ADAM12: variants seen among roughly 807,000 people sequenced by gnomAD.
ADAM12 encodes the protein disintegrin and metalloproteinase domain-containing protein 12.
A neutral mutation model predicts 106.4 loss-of-function variants in ADAM12; 70 were observed. That is an observed-to-expected ratio of 0.66 (90% CI 0.54 to 0.80). The LOEUF (loss-of-function observed/expected upper bound fraction) is 0.80. Ranked by LOEUF, ADAM12 falls within the 30% of genes least tolerant of loss-of-function variation. The probability of loss-of-function intolerance (pLI) is 0.00; values close to 1 mark genes in which losing one functional copy is unlikely to be tolerated. For synonymous variants in ADAM12, 420 were observed against 433.5 expected (o/e 0.97, Z 0.39); for missense variants, 1,010 against 1,171.9 (o/e 0.86, Z 2.02).
intron 5 of ADAM12, among the ~76,000 whole-genome samples, chr10:126,133,208 T>G (rs918463321): frequency 1.3e-5 from 2 of 152,176 alleles, no homozygotes; most frequent in African/African-American, 4.8e-5. Context: ...TGGTGAACAG[T>G]TGTCATCTTT....
At chr10:126,131,850 A>G (rs1232683958) in intron 5 of ADAM12, among the ~76,000 whole-genome samples, 1 of 152,238 alleles carries the variant, frequency 6.6e-6, no homozygotes, top group Non-Finnish European at 1.5e-5. Flanking sequence ...AAGAAGGTAG[A>G]GGCTTGAGAT....
intron 2 of ADAM12, among the ~76,000 whole-genome samples, chr10:126,316,150 G>A (rs1853861465): frequency 6.6e-6 from 1 of 152,182 alleles, no homozygotes; most frequent in Admixed American, 6.5e-5. Flanking sequence ...AGTGCAGGAG[G>A]AGTTAACATT....
chr10:126,024,018 T>G (rs530444208), intron 21 of ADAM12, among the ~76,000 whole-genome samples: 1 of 151,834 alleles, frequency 6.6e-6, no homozygotes, highest in South Asian at 2.1e-4. Flanking sequence ...TTGGAAAAAG[T>G]TTTCTTACTA....
intron 5 of ADAM12, among the ~76,000 whole-genome samples, chr10:126,120,795 G>A (rs1030248956): frequency 1.3e-5 from 2 of 149,680 alleles, no homozygotes; most frequent in East Asian, 3.9e-4. Context: ...AAATTTTGCA[G>A]ATTATTTTAG....
chr10:126,177,614 TG>T (rs1957242533), intron 3 of ADAM12, among the ~76,000 whole-genome samples: 1 of 152,238 alleles, frequency 6.6e-6, no homozygotes, highest in South Asian at 2.1e-4. Context: ...TGCTTGGTTT[TG>T]GTTATTTAAA....
At chr10:126,215,461 G>GC (rs897106578) in intron 3 of ADAM12, among the ~76,000 whole-genome samples, 7 of 152,008 alleles carry the variant, frequency 4.6e-5, no homozygotes, top group South Asian at 2.1e-4. Context: ...TCAGCTCAGG[G>GC]CCCCCCCGAA....
chr10:126,354,002 A>C (rs1309726423), intron 1 of ADAM12, among the ~76,000 whole-genome samples: 2 of 151,946 alleles, frequency 1.3e-5, no homozygotes, highest in Non-Finnish European at 2.9e-5. Flanking sequence ...TTGAGATGCC[A>C]TATTTGAAAT....
At chr10:126,313,245 G>A (rs1961192890) in intron 2 of ADAM12, among the ~76,000 whole-genome samples, 1 of 152,190 alleles carries the variant, frequency 6.6e-6, no homozygotes, top group Admixed American at 6.5e-5. Context: ...TGGCTCAGCA[G>A]CTGGTTTCCC....
rs574881202 is a variant in ADAM12 at position 126,078,843 on chromosome 10, C to T, written c.1146-7189G>A. 2.6e-5 allele frequency among the ~76,000 whole-genome samples: 4 copies of T among 152,056 alleles called. No individual in the cohort carries two copies. The South Asian group carries it at 8.3e-4, about 32-fold the overall frequency. ...TAGATTTCACCAATTCTTATGATTC[C>T]ACGTTCAGGTACTAAAAACCATTTT... On this transcript the variant is annotated intron_variant, in intron 11 of 22. Coordinates refer to ENST00000448723, the MANE Select transcript of ADAM12 (RefSeq NM_001288973.2).
intron 6 of ADAM12, among the ~76,000 whole-genome samples, chr10:126,110,710 T>G (rs963150077): frequency 6.6e-5 from 10 of 152,190 alleles, no homozygotes; most frequent in African/African-American, 2.4e-4. Context: ...TCAAACTTCC[T>G]CAAAAAGCAT....
intron 3 of ADAM12, among the ~76,000 whole-genome samples, chr10:126,160,144 C>T (rs1956906361): frequency 6.6e-6 from 1 of 152,154 alleles, no homozygotes; most frequent in East Asian, 1.9e-4. Flanking sequence ...AAGGGGAAGA[C>T]AGGAACAGGA....
At chr10:126,060,783 C>G (rs1278273) in intron 14 of ADAM12, among the ~76,000 whole-genome samples, 2 of 151,968 alleles carry the variant, frequency 1.3e-5, no homozygotes, top group Non-Finnish European at 2.9e-5. Context: ...TCACATCCGC[C>G]CTCCCCTCCA....
intron 3 of ADAM12, among the ~76,000 whole-genome samples, chr10:126,187,210 AC>A (rs1245780663): frequency 6.6e-6 from 1 of 152,150 alleles, no homozygotes; most frequent in Non-Finnish European, 1.5e-5. Context: ...AAATACAGAT[AC>A]AATACAGGAC....
intron 10 of ADAM12, 123 bp from the exon 11 acceptor site, chr10:126,094,256 G>A (rs1955516389): frequency 1.0e-6 from 1 of 967,918 alleles, no homozygotes; most frequent in Non-Finnish European, 1.5e-6. Context: ...TCCTTATAAG[G>A]GACCAAGGTA....
chr10:126,166,879 T>C (rs993097838), intron 3 of ADAM12, among the ~76,000 whole-genome samples: 1 of 152,192 alleles, frequency 6.6e-6, no homozygotes, highest in African/African-American at 2.4e-5. Flanking sequence ...GGGCCTCAGA[T>C]ACAGGGGAAA....
chr10:126,039,034 ACTGCAAGCTCCGC>A (rs1954110695), intron 19 of ADAM12, among the ~76,000 whole-genome samples: 1 of 132,082 alleles, frequency 7.6e-6, no homozygotes, highest in African/African-American at 2.9e-5. Context: ...ATCGCAACTC[ACTGCAAGCTCCGC>A]CTCCCGGGTT....
intron 3 of ADAM12, among the ~76,000 whole-genome samples, chr10:126,197,999 C>A (rs1957628892): frequency 6.6e-6 from 1 of 152,200 alleles, no homozygotes; most frequent in Non-Finnish European, 1.5e-5. Flanking sequence ...AATTACAGTT[C>A]TTCATTCCAC....
intron 3 of ADAM12, among the ~76,000 whole-genome samples, chr10:126,193,264 C>CAAA (rs757716875): frequency 3.4e-4 from 9 of 26,628 alleles, no homozygotes; most frequent in South Asian, 2.3e-3. Context: ...GACTCCATCT[C>CAAA]AAAAAAAAAA....
intron 14 of ADAM12, among the ~76,000 whole-genome samples, chr10:126,055,993 C>T (rs981025200): frequency 3.9e-5 from 6 of 152,102 alleles, no homozygotes; most frequent in African/African-American, 9.7e-5. Flanking sequence ...ATGAAAAATT[C>T]GGAGTAGAAT....
Sources: allele counts gnomAD v4.1 joint callset (sites outside exome capture counted in the v4.1 genomes callset), GRCh38; gene constraint gnomAD v4.1.1; transcripts MANE v1.5; gene names NCBI Gene and HGNC (gene_info 2026-07-23, HGNC 2026-07-21).